Variants in MSN observed in about 807,000 individuals in gnomAD.
MSN encodes the protein epididymis luminal protein 70.
Under a neutral mutation model 48.0 loss-of-function variants are expected in MSN, and 2 were observed. The observed-to-expected ratio is 0.04, with a 90% confidence interval of 0.02 to 0.13. MSN has a LOEUF of 0.13. Among genes scored for constraint, MSN ranks in the 10% least tolerant of loss-of-function variants. The probability of loss-of-function intolerance (pLI) is 1.00; values close to 1 mark genes in which losing one functional copy is unlikely to be tolerated. For synonymous variants in MSN, 146 were observed against 166.9 expected (o/e 0.87, Z 0.97); for missense variants, 267 against 470.1 (o/e 0.57, Z 3.99).
At chrX:65,718,259 T>C (rs1305363025) in intron 2 of MSN, among the ~76,000 whole-genome samples, 1 of 110,341 alleles carries the variant, frequency 9.1e-6, no homozygotes, top group African/African-American at 3.3e-5. Context: ...TGGGTTGGTA[T>C]CTTCATCCCC....
chrX:65,657,482 A>G (rs1159671871), intron 1 of MSN, among the ~76,000 whole-genome samples: 1 of 111,334 alleles, frequency 9.0e-6, no homozygotes, highest in African/African-American at 3.3e-5. Flanking sequence ...CTTCACTGGG[A>G]GATCCTGTCT....
At chrX:65,639,812 A>T (rs188161338) in intron 1 of MSN, among the ~76,000 whole-genome samples, 2 of 112,103 alleles carry the variant, frequency 1.8e-5, no homozygotes, top group Admixed American at 1.9e-4. Flanking sequence ...GAGGTAGCTG[A>T]AGGCTAGGCC....
At position 65,735,370 on chromosome X, in the gene MSN, T is replaced by C. The variant is rs1569468642; in HGVS notation, c.899T>C (p.Ile300Thr). 8.3e-7 allele frequency: 1 copy of C among 1,207,931 alleles called. No individual in the cohort carries two copies. Among genetic ancestry groups the C allele is most frequent in the Non-Finnish European group, 1.1e-6 (1 of 894,277 alleles). Residue 300 changes from isoleucine (I) to threonine (T), a missense_variant, in exon 8 of 13, where the codon ATT (isoleucine) becomes ACT (threonine). Around this residue, in one of 5 missense-constraint regions of MSN, gnomAD observed 58 missense variants for 104.6 expected, o/e 0.55. Transcript: ENST00000360270. ...ATGCGCCGTCGCAAGCCTGATACCA[T>C]TGAGGTGCAGCAGATGAAGGCACAG... is the stretch of plus-strand genomic sequence containing the variant. Reference protein sequence around the residue: ...LYMRRRKPDTIEVQQMKAQAR... With the variant: ...LYMRRRKPDTTEVQQMKAQAR...
chrX:65,707,879 C>A (rs2071377138), intron 1 of MSN, among the ~76,000 whole-genome samples: 1 of 112,170 alleles, frequency 8.9e-6, no homozygotes, highest in Non-Finnish European at 1.9e-5. Context: ...CACTTTCAGG[C>A]CCCAGCTGTT....
At chrX:65,714,608 GTCT>G (rs1395283769) in intron 1 of MSN, among the ~76,000 whole-genome samples, 1 of 111,759 alleles carries the variant, frequency 8.9e-6, no homozygotes, top group Non-Finnish European at 1.9e-5. Context: ...CCACATGTAT[GTCT>G]TCTTTTGAAA....
intron 1 of MSN, among the ~76,000 whole-genome samples, chrX:65,639,974 AGG>A (rs2070636364): frequency 8.9e-6 from 1 of 111,746 alleles, no homozygotes; most frequent in East Asian, 2.8e-4. Context: ...GCTAGATGCT[AGG>A]GGTGCCCCAG....
intron 2 of MSN, among the ~76,000 whole-genome samples, chrX:65,718,382 A>C (rs770582398): frequency 8.9e-6 from 1 of 111,869 alleles, no homozygotes; most frequent in Admixed American, 9.5e-5. Flanking sequence ...AGGATGTCCA[A>C]TCCAAAAAGA....
intron 2 of MSN, among the ~76,000 whole-genome samples, chrX:65,721,967 A>G (rs1468334546): frequency 1.8e-5 from 2 of 111,845 alleles, no homozygotes; most frequent in Admixed American, 1.9e-4. Context: ...CTGTAGTCCT[A>G]GCTACTTGGG....
At chrX:65,633,511 T>G (rs2070574916) in intron 1 of MSN, among the ~76,000 whole-genome samples, 1 of 112,633 alleles carries the variant, frequency 8.9e-6, no homozygotes, top group African/African-American at 3.2e-5. Flanking sequence ...TTCCATTCTT[T>G]AATTCACTGC....
chrX:65,606,464 C>T (rs1445555504), intron 1 of MSN, among the ~76,000 whole-genome samples: 1 of 111,114 alleles, frequency 9.0e-6, no homozygotes, highest in African/African-American at 3.3e-5. Flanking sequence ...GCTCTGTTCC[C>T]CAGACCGGAG....
chrX:65,631,458 T>G (rs926161316), intron 1 of MSN, among the ~76,000 whole-genome samples: 5 of 111,653 alleles, frequency 4.5e-5, no homozygotes, highest in Non-Finnish European at 9.4e-5. Flanking sequence ...TTTTGTCCTT[T>G]CAAAAATGTT....
chrX:65,713,344 C>T (rs1218772071), intron 1 of MSN, among the ~76,000 whole-genome samples: 1 of 111,571 alleles, frequency 9.0e-6, no homozygotes, highest in Non-Finnish European at 1.9e-5. Context: ...GCCACCCATA[C>T]CCACCTCTAC....
intron 1 of MSN, among the ~76,000 whole-genome samples, chrX:65,641,601 T>TA (rs59337216): frequency 1.2e-4 from 8 of 67,757 alleles, no homozygotes; most frequent in African/African-American, 3.4e-4. Flanking sequence ...TATATATATA[T>TA]TTTAGCATAT....
At chrX:65,617,254 A>T (rs777237321) in intron 1 of MSN, among the ~76,000 whole-genome samples, 9 of 109,839 alleles carry the variant, frequency 8.2e-5, no homozygotes, top group South Asian at 3.7e-4. Context: ...CTCTTTTTCT[A>T]TTGATTGGAA....
intron 1 of MSN, among the ~76,000 whole-genome samples, chrX:65,656,243 G>A (rs931287400): frequency 4.6e-5 from 5 of 107,876 alleles, no homozygotes; most frequent in Non-Finnish European, 7.6e-5. Flanking sequence ...CAGACTGGGA[G>A]CAGAGCTGAA....
At chrX:65,667,504 C>G, upstream of MSN, 1 of 436,768 alleles carries the variant, frequency 2.3e-6, no homozygotes, top group Non-Finnish European at 2.9e-6. Flanking sequence ...CAGCCGGGCC[C>G]CCCACGTGGC....
intron 1 of MSN, among the ~76,000 whole-genome samples, chrX:65,604,507 C>G (rs1292060567): frequency 8.9e-6 from 1 of 112,166 alleles, no homozygotes; most frequent in Non-Finnish European, 1.9e-5. Flanking sequence ...GAGGGATTCT[C>G]TGATAGTGGA....
intron 1 of MSN, among the ~76,000 whole-genome samples, chrX:65,673,812 A>G (rs2070968428): frequency 9.0e-6 from 1 of 111,533 alleles, no homozygotes; most frequent in African/African-American, 3.3e-5. Flanking sequence ...TGGGGGCACT[A>G]AAGTCCAGAA....
At chrX:65,704,862 C>T (rs955343527) in intron 1 of MSN, among the ~76,000 whole-genome samples, 10 of 107,978 alleles carry the variant, frequency 9.3e-5, no homozygotes, top group East Asian at 2.9e-4. Flanking sequence ...CTCCGCTTCC[C>T]GGGTTCAAGC....
Sources: gnomAD v4.1 joint callset for allele counts (sites outside exome capture counted in the v4.1 genomes callset) on GRCh38, gnomAD v4.1.1 for gene constraint, gnomAD v4.1.1 regional missense constraint, MANE v1.5 for transcripts, NCBI Gene and HGNC (gene_info 2026-07-23, HGNC 2026-07-21) for gene names.